Variants in CCNF observed in about 807,000 individuals in gnomAD.
The protein encoded by CCNF is cyclin F, also known as cyclin-F.
In CCNF, 30 loss-of-function variants were observed where a neutral mutation model predicts 85.4. The observed-to-expected ratio is 0.35, with a 90% CI of 0.26 to 0.48. The LOEUF (loss-of-function observed/expected upper bound fraction) is 0.48, where lower values mean the gene tolerates loss of function less well. Ranked by LOEUF, CCNF falls within the 20% of genes least tolerant of loss-of-function variation. CCNF has a pLI of 0.99. For missense variants in CCNF, 919 were observed against 1,010.4 expected, an observed-to-expected ratio of 0.91 and a Z score of 1.23; for synonymous variants, 439 against 425.1, an observed-to-expected ratio of 1.03 and a Z score of -0.40.
chr16:2,447,895 G>A (rs949650893), intron 10 of CCNF, among the ~76,000 whole-genome samples: 3 of 152,166 alleles, frequency 2.0e-5, no homozygotes, highest in African/African-American at 7.2e-5. Flanking sequence ...CAGCCCCCAC[G>A]CTGGCAGGTG....
chr16:2,435,436 C>A (rs984651387), intron 3 of CCNF, among the ~76,000 whole-genome samples: 4 of 141,396 alleles, frequency 2.8e-5, no homozygotes, highest in Non-Finnish European at 6.1e-5. Flanking sequence ...TTTTTTTTGA[C>A]TAGCTGAGCA....
chr16:2,452,776 T>A lies in CCNF; in HGVS notation c.1488-434T>A. On this transcript the variant is annotated intron_variant, in intron 13 of 16. Coordinates refer to ENST00000397066, the MANE Select transcript of CCNF (RefSeq NM_001761.3). The surrounding 1 kb of genome is among the most constrained non-coding windows in gnomAD (Gnocchi z 4.1). ...GATGTTTCCCATTCTGTACATTCCA[T>A]ATAAATGGCGTCATCGGACAAGTGG... 9.4e-6 allele frequency: 2 copies of A among 212,374 alleles called. No individual in the cohort carries two copies. Among genetic ancestry groups the A allele is most frequent in the Non-Finnish European group, 1.9e-5 (2 of 103,792 alleles). 13.2% of individuals were successfully genotyped at this position (212,374 alleles called of 1,614,324 possible).
chr16:2,433,099 TCTC>T (rs751512549), intron 3 of CCNF, 32 bp downstream of exon 3: 2 of 1,427,782 alleles, frequency 1.4e-6, no homozygotes, highest in South Asian at 2.4e-5. Flanking sequence ...GGCTCAGTCT[TCTC>T]CTGCCTTGGC....
At chr16:2,435,067 T>C (rs4494541) in intron 3 of CCNF, among the ~76,000 whole-genome samples, 114,588 of 151,556 alleles carry the variant, frequency 0.76, 44,264 homozygotes, top group African/African-American at 0.92. Flanking sequence ...CTGGCTAACA[T>C]GGTGAAACCC....
Position 2,456,896 on chromosome 16 carries a change from C to A in CCNF, c.2237C>A (p.Ser746Ter). ...CCCTGCCACCATCAGGCCAGGAAGT[C>A]ATGTTTACAGTGTCGTCCCCCAAGT... is the stretch of plus-strand genomic sequence containing the variant. ...TQPCHHQARK[S>*]CLQCRPPSPP... The change falls in exon 17 of 17, where the codon TCA becomes TAA. Residue 746 changes from serine to a stop codon, truncating the protein, a stop_gained. Coordinates refer to ENST00000397066, the MANE Select transcript of CCNF (RefSeq NM_001761.3). LOFTEE classifies it low-confidence loss of function (END_TRUNC). The surrounding 1 kb of genome is among the most constrained non-coding windows in gnomAD (Gnocchi z 4.5). 1 of 1,614,196 alleles carries A rather than the reference C, an allele frequency of 6.2e-7. No homozygotes were observed. The highest frequency in any genetic ancestry group is 8.5e-7 in the Non-Finnish European group (1 of 1,180,042).
At chr16:2,440,506 G>T (rs919239302) in intron 8 of CCNF, among the ~76,000 whole-genome samples, 8 of 148,660 alleles carry the variant, frequency 5.4e-5, no homozygotes, top group Non-Finnish European at 7.6e-5. Flanking sequence ...TACTCAGGAA[G>T]TTGAGGCAGG....
At chr16:2,430,066 T>C (rs1349897294) in intron 1 of CCNF, among the ~76,000 whole-genome samples, 3 of 152,170 alleles carry the variant, frequency 2.0e-5, no homozygotes, top group African/African-American at 7.2e-5. Flanking sequence ...GTCTATAGAA[T>C]CTTTGAGAAT....
At chr16:2,439,490 T>TA in intron 7 of CCNF, 33 bp downstream of exon 7, 5 of 1,485,398 alleles carry the variant, frequency 3.4e-6, no homozygotes, top group Non-Finnish European at 4.7e-6. Flanking sequence ...CGGGGGGAGT[T>TA]ATGCTGGACA....
At chr16:2,445,865 C>G (rs2141824850) in intron 10 of CCNF, among the ~76,000 whole-genome samples, 1 of 152,148 alleles carries the variant, frequency 6.6e-6, no homozygotes, top group Middle Eastern at 3.4e-3. Context: ...GTAGCTGGGA[C>G]TGCAGGCGTG....
Position 2,453,265 on chromosome 16 carries a change from C to T in CCNF, c.1543C>T (p.Gln515Ter). The T allele has an allele frequency of 6.2e-7, 1 of 1,613,966 alleles. No homozygotes were observed. Among genetic ancestry groups the T allele is most frequent in the South Asian group, 1.1e-5 (1 of 91,076 alleles). ...GCAAGTCTCTCTGACCGCCGTGAAG[C>T]AGCGGTTTGAGGACAAGCGCTATGG... ...YRQVSLTAVK[Q>*]RFEDKRYGEI... The change falls in exon 14 of 17, where the codon CAG becomes TAG. Residue 515 changes from glutamine to a stop codon, truncating the protein, a stop_gained. Coordinates refer to ENST00000397066, the MANE Select transcript of CCNF (RefSeq NM_001761.3). LOFTEE classifies it high-confidence loss of function. The surrounding 1 kb of genome is among the most constrained non-coding windows in gnomAD (Gnocchi z 5.6).
intron 6 of CCNF, among the ~76,000 whole-genome samples, chr16:2,439,031 C>G (rs1290070592): frequency 6.6e-6 from 1 of 152,000 alleles, no homozygotes; most frequent in East Asian, 1.9e-4. Flanking sequence ...GGCACAGTGG[C>G]TCATGCCTGT....
rs770775588 is a variant in CCNF, at chr16:2,453,293, A to T, written c.1571A>T (p.Glu524Val). 2 of 1,613,832 alleles carry T rather than the reference A, an allele frequency of 1.2e-6. No homozygotes were observed. Among genetic ancestry groups the T allele is most frequent in the Non-Finnish European group, 1.7e-6 (2 of 1,180,006 alleles). ...CGGTTTGAGGACAAGCGCTATGGAGAAATCAGCCAGGAAGAGGTGCCTCCC... is the reference window on the plus strand; with the variant it reads ...CGGTTTGAGGACAAGCGCTATGGAGTAATCAGCCAGGAAGAGGTGCCTCCC... ...KQRFEDKRYG[E>V]ISQEEVLSYS... is the part of the protein sequence containing the mutation. Residue 524 changes from glutamate (E) to valine (V), a missense_variant, in exon 14 of 17, where the codon GAA becomes GTA. By Grantham distance (121) the Glu-to-Val change is moderately radical (BLOSUM62 -2). This residue lies in a region of CCNF where 505 missense variants were observed against 514.8 expected (regional missense o/e 0.98). Transcript: ENST00000397066. The surrounding 1 kb of genome is among the most constrained non-coding windows in gnomAD (Gnocchi z 5.6).
At chr16:2,433,904 ACCAG>A (rs2065274818) in intron 3 of CCNF, among the ~76,000 whole-genome samples, 1 of 152,222 alleles carries the variant, frequency 6.6e-6, no homozygotes. Flanking sequence ...TCGACAGCCA[ACCAG>A]GGCAGGCAGC....
intron 1 of CCNF, among the ~76,000 whole-genome samples, chr16:2,429,865 G>C (rs937770034): frequency 2.0e-5 from 3 of 152,086 alleles, no homozygotes; most frequent in South Asian, 2.1e-4. Context: ...CGGAGCGCGT[G>C]GGGGCGAAGC....
chr16:2,441,875 T>C (rs1439096085), intron 8 of CCNF, among the ~76,000 whole-genome samples: 2 of 144,466 alleles, frequency 1.4e-5, no homozygotes, highest in Non-Finnish European at 3.0e-5. Flanking sequence ...ATGTTCAACC[T>C]TACTACTAGT....
Position 2,438,114 on chromosome 16 carries a change from T to G in CCNF, c.585T>G (p.Ser195Arg), listed in dbSNP as rs1371569927. The change falls in exon 6 of 17, where the codon AGT becomes AGG. Residue 195 changes from serine (S) to arginine (R), a missense_variant. Transcript: ENST00000397066. ...TGCACTGCTTGGGCAGAGTGCTGAG[T>G]CTGTTCGAGGTGAGTCAAGTTGTTC... ...SILHCLGRVL[S>R]LFEDEEKQQQ... is the part of the protein sequence containing the mutation. 1.9e-6 allele frequency: 3 copies of G among 1,609,378 alleles called. No homozygotes were observed. The highest frequency in any genetic ancestry group is 1.7e-5 in the Admixed American group (1 of 59,976).
At position 2,445,488 on chromosome 16, in the gene CCNF, T is replaced by C; in HGVS notation, c.960T>C (p.Val320=). 6.2e-7 allele frequency: 1 copy of C among 1,614,010 alleles called. No individual in the cohort carries two copies. The highest frequency in any genetic ancestry group is 8.5e-7 in the Non-Finnish European group (1 of 1,180,020). Residue 320 remains valine (V), a synonymous_variant, in exon 10 of 17, where the codon GTT becomes GTC. Coordinates refer to ENST00000397066, the MANE Select transcript of CCNF (RefSeq NM_001761.3). ...RYILIDWLVE[V]ATMKDFTSLC... is the part of the protein sequence containing the mutation. ...TTCTGATCGACTGGCTGGTGGAAGT[T>C]GCCACCATGAAGGACTTCACAAGCC...
At chr16:2,441,450 G>C (rs2065320674) in intron 8 of CCNF, among the ~76,000 whole-genome samples, 1 of 151,918 alleles carries the variant, frequency 6.6e-6, no homozygotes, top group South Asian at 2.1e-4. Flanking sequence ...GGAAGTTCAA[G>C]GGGCCTCAGT....
chr16:2,434,976 C>T lies in CCNF; in HGVS notation c.279-830C>T, dbSNP rs148774454. Among the ~76,000 whole-genome samples, 52 of 152,024 alleles carry T rather than the reference C, an allele frequency of 3.4e-4. 1 individual carries two copies. In the East Asian group the frequency reaches 9.3e-3, roughly 27 times the overall value. The stretch of plus-strand genomic sequence containing the variant: ...TACATGTTATTAAGAAATGTTCGAC[C>T]GAGCGTGGTGGCTCACGCTTGTAAT... On this transcript the variant is annotated intron_variant, in intron 3 of 16. Transcript: ENST00000397066.
Sources: allele counts gnomAD v4.1 joint callset (sites outside exome capture counted in the v4.1 genomes callset), GRCh38; gene constraint gnomAD v4.1.1; regional missense constraint gnomAD v4.1.1; non-coding constraint Gnocchi (gnomAD v3.1); transcripts MANE v1.5; gene names NCBI Gene and HGNC (gene_info 2026-07-23, HGNC 2026-07-21).